SCN7A: variants seen among roughly 807,000 people sequenced by gnomAD.
SCN7A encodes the protein sodium voltage-gated channel alpha subunit 7.
Under a neutral mutation model 155.2 loss-of-function variants are expected in SCN7A, and 138 were observed. The ratio of observed to expected loss-of-function variants is 0.89; its 90% CI spans 0.77 to 1.02. The LOEUF is 1.02. Among genes scored for constraint, SCN7A ranks in the 50% least tolerant of loss-of-function variants. The pLI is 0.00. For synonymous variants in SCN7A, 693 were observed against 649.0 expected (o/e 1.07, Z -1.03); for missense variants, 2,058 against 1,986.6 (o/e 1.04, Z -0.68).
chr2:166,441,066 C>T, intron 15 of SCN7A: 1 of 380,102 alleles, frequency 2.6e-6, no homozygotes. Flanking sequence ...TGGCTGACCA[C>T]AGGCAACTGA....
At chr2:166,493,156 A>C (rs1292290104) in intron 1 of SCN7A, among the ~76,000 whole-genome samples, 1 of 152,184 alleles carries the variant, frequency 6.6e-6, no homozygotes, top group East Asian at 1.9e-4. Context: ...GCTCTCCTGA[A>C]TGAACAGCAG....
rs1701028904 is a variant in SCN7A, at chr2:166,404,756, T to C, written c.*824A>G. 1 of 149,898 alleles carries C rather than the reference T, an allele frequency of 6.7e-6. No individual in the cohort carries two copies. The highest frequency in any genetic ancestry group is 2.5e-5 in the African/African-American group (1 of 40,690). 9.3% of individuals were successfully genotyped at this position (149,898 alleles called of 1,614,324 possible). A position where few individuals can be genotyped will look rare whatever the true frequency, so the allele number is the denominator to read the frequency against. On this transcript the variant is annotated 3_prime_UTR_variant, in exon 26 of 26. Coordinates refer to ENST00000643258, the MANE Select transcript of SCN7A (RefSeq NM_002976.4). ...AAGGTAAAGCTTGAGTCTATTAACA[T>C]GTTATTTATTACATCATTTTAGTAA...
chr2:166,472,180 C>A lies in SCN7A; in HGVS notation c.572+137G>T, dbSNP rs1223840277. 3.7e-6 allele frequency: 3 copies of A among 804,096 alleles called. No homozygotes were observed. The African/African-American group carries it at 5.3e-5, about 14-fold the overall frequency. 49.8% of individuals were successfully genotyped at this position (804,096 alleles called of 1,614,324 possible). ...GGTCAGAGGCAGCTGAGAGAGCTCACTATGACCATAACTTTGAAGTATTCT... is the reference window on the plus strand; with the variant it reads ...GGTCAGAGGCAGCTGAGAGAGCTCAATATGACCATAACTTTGAAGTATTCT... On this transcript the variant is annotated intron_variant, in intron 6 of 25. Transcript: ENST00000643258.
chr2:166,413,805 T>C (rs1444757009), intron 21 of SCN7A, among the ~76,000 whole-genome samples: 1 of 150,276 alleles, frequency 6.7e-6, no homozygotes, highest in Non-Finnish European at 1.5e-5. Flanking sequence ...TATATTTTTC[T>C]CCTGTGCTGG....
chr2:166,446,438 C>A (rs970814349), intron 12 of SCN7A, among the ~76,000 whole-genome samples: 80 of 152,264 alleles, frequency 5.3e-4, no homozygotes, highest in African/African-American at 1.9e-3. Context: ...TAAATTAGCT[C>A]AACCATTGTG....
chr2:166,425,306 T>C, intron 18 of SCN7A, among the ~76,000 whole-genome samples: 1 of 152,176 alleles, frequency 6.6e-6, no homozygotes, highest in East Asian at 1.9e-4. Context: ...GTACTAAGAC[T>C]GCTAAGGAAG....
chr2:166,488,817 T>C (rs1366654918), intron 1 of SCN7A, among the ~76,000 whole-genome samples: 1 of 151,946 alleles, frequency 6.6e-6, no homozygotes, highest in Non-Finnish European at 1.5e-5. Flanking sequence ...TTTGTATTGT[T>C]AGTAGAGCTG....
chr2:166,421,300 A>G lies in SCN7A; in HGVS notation c.3028-3T>C. 6.8e-7 allele frequency: 1 copy of G among 1,461,014 alleles called. No individual in the cohort carries two copies. The highest frequency in any genetic ancestry group is 9.1e-7 in the Non-Finnish European group (1 of 1,099,686). The allele number at this position is 1,461,014 out of a possible 1,614,324, so 90.5% of individuals were successfully genotyped here. ...CCTATTAAGCTAAGACAAAACACCT[A>G]TATATTTTTTTTAAAAAAAGAGTGA... On this transcript the variant is annotated splice_polypyrimidine_tract_variant and splice_region_variant and intron_variant, in intron 19 of 25. Transcript: ENST00000643258.
rs182520948 is a variant in SCN7A, at chr2:166,434,167, T to G, written c.2158-1415A>C. 1.6e-3 allele frequency among the ~76,000 whole-genome samples: 245 copies of G among 152,250 alleles called. 1 individual carries two copies. Among genetic ancestry groups the G allele is most frequent in the African/African-American group, 5.4e-3 (226 of 41,572 alleles). ...ACTCCAATAATTACTCTTTTTCTCA[T>G]GGACATGCACATCTGGGATAATAGT... On this transcript the variant is annotated intron_variant, in intron 15 of 25. Coordinates refer to ENST00000643258, the MANE Select transcript of SCN7A (RefSeq NM_002976.4).
At chr2:166,475,103 T>TATATATACGTATATAC in intron 3 of SCN7A, among the ~76,000 whole-genome samples, 1 of 100,766 alleles carries the variant, frequency 9.9e-6, no homozygotes, top group African/African-American at 4.0e-5. Flanking sequence ...CACATATATA[T>TATATATACGTATATAC]GTATATATAT....
chr2:166,423,413 AT>A lies in SCN7A; in HGVS notation c.2872del (p.Met958TrpfsTer11), dbSNP rs1447035450. On this transcript the variant is annotated frameshift_variant, in exon 19 of 26. Transcript: ENST00000643258. LOFTEE classifies it high-confidence loss of function. ...TGTLAFEDIY[M>X]DQRKTIKILL... ...AATTTTAATTGTCTTTCTCTGATCC[AT>A]ATATATATCTTCAAAAGCCTGTGGG... The A allele has an allele frequency of 6.4e-7, 1 of 1,562,762 alleles. No individual in the cohort carries two copies. Among genetic ancestry groups the A allele is most frequent in the Non-Finnish European group, 8.6e-7 (1 of 1,158,794 alleles).
chr2:166,487,022 C>T (rs1263234513), intron 1 of SCN7A, 54 bp from the exon 2 acceptor site: 1 of 152,228 alleles, frequency 6.6e-6, no homozygotes, highest in African/African-American at 2.4e-5. Flanking sequence ...CTGGGACATT[C>T]ACTTTTGCAT....
At chr2:166,434,788 A>G (rs1701803633) in intron 15 of SCN7A, among the ~76,000 whole-genome samples, 1 of 152,192 alleles carries the variant, frequency 6.6e-6, no homozygotes, top group Non-Finnish European at 1.5e-5. Flanking sequence ...AAATAACAGA[A>G]GGCTGTTAGT....
intron 7 of SCN7A, among the ~76,000 whole-genome samples, chr2:166,470,147 G>A (rs539176427): frequency 2.6e-5 from 4 of 151,848 alleles, no homozygotes; most frequent in Admixed American, 2.6e-4. Flanking sequence ...CCACATTGAT[G>A]GAAGATGAAT....
At chr2:166,426,963 A>C (rs1395149974) in intron 18 of SCN7A, among the ~76,000 whole-genome samples, 1 of 152,124 alleles carries the variant, frequency 6.6e-6, no homozygotes, top group East Asian at 1.9e-4. Flanking sequence ...CTTGTATGTA[A>C]GAATTCTCCT....
chr2:166,434,261 G>T (rs1363102460), intron 15 of SCN7A, among the ~76,000 whole-genome samples: 1 of 151,988 alleles, frequency 6.6e-6, no homozygotes, highest in Non-Finnish European at 1.5e-5. Flanking sequence ...AATACAGAAG[G>T]TTCAAATAAA....
chr2:166,419,349 A>C (rs1350274174), intron 20 of SCN7A, among the ~76,000 whole-genome samples: 1 of 151,170 alleles, frequency 6.6e-6, no homozygotes, highest in Non-Finnish European at 1.5e-5. Flanking sequence ...TTTATACTGG[A>C]AATGTGGCTG....
intron 18 of SCN7A, among the ~76,000 whole-genome samples, chr2:166,425,955 G>A (rs1701614301): frequency 1.6e-5 from 2 of 127,410 alleles, no homozygotes; most frequent in African/African-American, 5.0e-5. Flanking sequence ...GTGTTGACAT[G>A]GGGGTCACAG....
chr2:166,406,195 A>G lies in SCN7A; in HGVS notation c.4434T>C (p.Ser1478=). 6.2e-7 allele frequency: 1 copy of G among 1,612,926 alleles called. No individual in the cohort carries two copies. The highest frequency in any genetic ancestry group is 8.5e-7 in the Non-Finnish European group (1 of 1,179,406). ...NPSVGIFYFV[S]YILISWLIIV... ...TGATCAGCCATGATATGAGGATATA[A>G]CTGACAAAATAAAAAATCCCAACAG... The change falls in exon 26 of 26, where the codon AGT becomes AGC. Residue 1478 remains serine (S), a synonymous_variant. Transcript: ENST00000643258.
Sources: gnomAD v4.1 joint callset for allele counts (sites outside exome capture counted in the v4.1 genomes callset) on GRCh38, gnomAD v4.1.1 for gene constraint, MANE v1.5 for transcripts, NCBI Gene and HGNC (gene_info 2026-07-23, HGNC 2026-07-21) for gene names.